Variants in TESPA1 observed in about 807,000 individuals in gnomAD.
The protein encoded by TESPA1 is thymocyte expressed, positive selection associated 1.
In TESPA1, 33 loss-of-function variants were observed where a neutral mutation model predicts 57.9. That is an observed-to-expected ratio of 0.57 (90% CI 0.43 to 0.76). The LOEUF is 0.76. TESPA1 is among the 30% of genes least tolerant of loss of function. The probability of loss-of-function intolerance (pLI) is 0.00; values close to 1 mark genes in which losing one functional copy is unlikely to be tolerated. For missense variants in TESPA1, 618 were observed against 632.9 expected (o/e 0.98, Z 0.25); for synonymous variants, 227 against 228.9 (o/e 0.99, Z 0.07).
At chr12:54,959,454 C>G (rs1395181331) in intron 10 of TESPA1, among the ~76,000 whole-genome samples, 2 of 152,212 alleles carry the variant, frequency 1.3e-5, no homozygotes, top group Non-Finnish European at 2.9e-5. Flanking sequence ...TCCAGTATTT[C>G]CTGTGAGAAC....
intron 3 of TESPA1, among the ~76,000 whole-genome samples, chr12:54,971,820 G>A (rs1243770467): frequency 6.6e-6 from 1 of 152,002 alleles, no homozygotes; most frequent in Non-Finnish European, 1.5e-5. Context: ...CACTATCCAA[G>A]AGTTAATATG....
At chr12:54,966,254 T>C (rs1951424188) in intron 6 of TESPA1, 103 bp from the exon 7 acceptor site, 1 of 1,565,552 alleles carries the variant, frequency 6.4e-7, no homozygotes, top group South Asian at 1.1e-5. Context: ...CAGTAGTCTA[T>C]GCAGTGCTTG....
At chr12:54,966,356 C>T (rs1951431100) in intron 6 of TESPA1, 32 bp downstream of exon 6, 1 of 1,613,800 alleles carries the variant, frequency 6.2e-7, no homozygotes, top group East Asian at 2.2e-5. Flanking sequence ...TTAAAGGAGA[C>T]ATCATTCACC....
At chr12:54,959,798 C>T (rs1463290650) in intron 10 of TESPA1, among the ~76,000 whole-genome samples, 2 of 152,178 alleles carry the variant, frequency 1.3e-5, no homozygotes, top group Non-Finnish European at 2.9e-5. Flanking sequence ...GTGGCCGCTT[C>T]TAGCTCCTAA....
chr12:54,965,893 A>G (rs1243723911), intron 7 of TESPA1, among the ~76,000 whole-genome samples, 160 bp downstream of exon 7: 3 of 152,204 alleles, frequency 2.0e-5, no homozygotes, highest in Non-Finnish European at 4.4e-5. Flanking sequence ...GTCTTTCACA[A>G]TTCTTGAAAC....
intron 2 of TESPA1, 188 bp from the exon 3 acceptor site, chr12:54,973,707 C>T (rs1452199766): frequency 1.5e-6 from 2 of 1,351,640 alleles, no homozygotes; most frequent in Non-Finnish European, 1.9e-6. Context: ...TTTCTTCTCT[C>T]TCTCTGCTTC....
chr12:54,969,019 A>G (rs897774474), intron 3 of TESPA1, among the ~76,000 whole-genome samples: 64 of 127,790 alleles, frequency 5.0e-4, no homozygotes, highest in Non-Finnish European at 8.6e-4. Flanking sequence ...ATATTTATAT[A>G]TGTATATATA....
intron 1 of TESPA1, among the ~76,000 whole-genome samples, chr12:54,981,575 TAA>T (rs11365319): frequency 4.1e-5 from 6 of 146,534 alleles, no homozygotes; most frequent in African/African-American, 1.5e-4. Flanking sequence ...TATAATATAT[TAA>T]AAAAAAAAAG....
chr12:54,957,735 T>G (rs1449308231), intron 10 of TESPA1, among the ~76,000 whole-genome samples: 1 of 152,188 alleles, frequency 6.6e-6, no homozygotes, highest in African/African-American at 2.4e-5. Flanking sequence ...CACAAAATAT[T>G]TTCCTAACTT....
intron 3 of TESPA1, 128 bp downstream of exon 3, chr12:54,973,349 T>C (rs1951958045): frequency 7.3e-7 from 1 of 1,377,928 alleles, no homozygotes; most frequent in Non-Finnish European, 1.0e-6. Flanking sequence ...AACCACCATC[T>C]CAACCTTACT....
At chr12:54,958,258 T>C (rs559758098) in intron 10 of TESPA1, among the ~76,000 whole-genome samples, 21 of 152,328 alleles carry the variant, frequency 1.4e-4, no homozygotes, top group Admixed American at 1.4e-3. Context: ...TGACATCTGC[T>C]GGACAAACAA....
At chr12:54,969,218 G>C (rs367582364) in intron 3 of TESPA1, among the ~76,000 whole-genome samples, 2 of 151,164 alleles carry the variant, frequency 1.3e-5, no homozygotes, top group Admixed American at 1.3e-4. Context: ...ATTAAGAATA[G>C]GTAACTCTAA....
intron 9 of TESPA1, among the ~76,000 whole-genome samples, chr12:54,962,112 T>G (rs1951115211): frequency 1.3e-5 from 2 of 152,188 alleles, no homozygotes; most frequent in South Asian, 4.1e-4. Flanking sequence ...TGGTTAGCTT[T>G]GTGTAAAACT....
At chr12:54,963,647 T>C (rs759854143) in intron 8 of TESPA1, 95 bp downstream of exon 8, 1 of 1,361,898 alleles carries the variant, frequency 7.3e-7, no homozygotes, top group Non-Finnish European at 1.0e-6. Context: ...GGGTTAAAGA[T>C]AACCAAGAGA....
intron 9 of TESPA1, 81 bp from the exon 10 acceptor site, chr12:54,961,348 A>G (rs1405072309): frequency 4.0e-6 from 6 of 1,486,164 alleles, no homozygotes; most frequent in Non-Finnish European, 5.6e-6. Context: ...AGGTAGCTGT[A>G]GGGGAAGGAG....
At chr12:54,980,708 G>A (rs564846354) in intron 1 of TESPA1, among the ~76,000 whole-genome samples, 2 of 152,272 alleles carry the variant, frequency 1.3e-5, no homozygotes, top group South Asian at 4.1e-4. Context: ...CTACCAGTTT[G>A]CACCTGACAA....
intron 1 of TESPA1, among the ~76,000 whole-genome samples, chr12:54,982,293 G>T (rs925139887): frequency 6.6e-6 from 1 of 152,196 alleles, no homozygotes; most frequent in African/African-American, 2.4e-5. Context: ...TGAGCATTCT[G>T]AGACTTCTAT....
Position 54,984,670 on chromosome 12 carries a change from A to G in TESPA1, c.-131T>C, listed in dbSNP as rs887153415. On this transcript the variant is annotated 5_prime_UTR_variant, in exon 1 of 11. Transcript: ENST00000449076. Reference sequence around the variant, plus strand: ...TTCACAGGTGTGGGCACAGAGGTGAAGCAAGTGAGAAAGTATCATGTTGTA... The same window carrying G: ...TTCACAGGTGTGGGCACAGAGGTGAGGCAAGTGAGAAAGTATCATGTTGTA... The G allele has an allele frequency of 5.9e-5, 9 of 152,282 alleles. No homozygotes were observed. Among genetic ancestry groups the G allele is most frequent in the African/African-American group, 2.2e-4 (9 of 41,468 alleles). 9.4% of individuals were successfully genotyped at this position (152,282 alleles called of 1,614,324 possible).
chr12:54,977,054 C>G (rs895531086), intron 1 of TESPA1, among the ~76,000 whole-genome samples: 1 of 152,048 alleles, frequency 6.6e-6, no homozygotes. Context: ...TTTCACTGGG[C>G]TCTTTCTCTG....
Sources: gnomAD v4.1 joint callset for allele counts (sites outside exome capture counted in the v4.1 genomes callset) on GRCh38, gnomAD v4.1.1 for gene constraint, MANE v1.5 for transcripts, NCBI Gene and HGNC (gene_info 2026-07-23, HGNC 2026-07-21) for gene names.